Variants in SETD9 observed in about 807,000 individuals in gnomAD.
SETD9 encodes the protein SET domain-containing protein 9.
Under a neutral mutation model 36.4 loss-of-function variants are expected in SETD9, and 37 were observed. The observed-to-expected ratio is 1.02, with a 90% CI of 0.78 to 1.34. The LOEUF (loss-of-function observed/expected upper bound fraction) is 1.34, where lower values mean the gene tolerates loss of function less well. SETD9 is among the 40% of genes most tolerant of loss of function. The pLI is 0.00. For missense variants in SETD9, 323 were observed against 353.2 expected, an observed-to-expected ratio of 0.91 and a Z score of 0.69; for synonymous variants, 128 against 132.9, an observed-to-expected ratio of 0.96 and a Z score of 0.26.
intron 5 of SETD9, chr5:56,922,607 G>A (rs749622190): frequency 6.5e-6 from 1 of 154,370 alleles, no homozygotes; most frequent in Non-Finnish European, 1.4e-5. Flanking sequence ...ACCTACCCCT[G>A]CTTTTATTAA....
At chr5:56,909,959 T>G (rs914560129) in intron 1 of SETD9, 3 of 1,183,612 alleles carry the variant, frequency 2.5e-6, no homozygotes, top group Non-Finnish European at 3.4e-6. Context: ...GGGGCCGAGG[T>G]TGGTGGAGTC....
In SETD9 at chr5:56,911,421, C is replaced by G. The variant is rs762528528; in HGVS notation, c.351C>G (p.Tyr117Ter). Residue 117 changes from tyrosine to a stop codon, truncating the protein, a stop_gained, in exon 2 of 6, where the codon TAC becomes TAG. Transcript: ENST00000285947. LOFTEE classifies it high-confidence loss of function. ...QSTFKPEEIL[Y>*]KTLGFSVAQA... The stretch of plus-strand genomic sequence containing the variant: ...CCTTTAAACCAGAAGAAATTCTTTA[C>G]AAGACTTTGGGTTTCAGTGTTGCCC... 5 of 1,613,668 alleles carry G rather than the reference C, an allele frequency of 3.1e-6. No individual in the cohort carries two copies. Among genetic ancestry groups the G allele is most frequent in the Non-Finnish European group, 4.2e-6 (5 of 1,179,876 alleles).
chr5:56,928,536 G>C (rs1477236923), downstream of SETD9: 2 of 327,532 alleles, frequency 6.1e-6, no homozygotes, highest in Admixed American at 9.7e-5. Context: ...AATACAGTGA[G>C]TCCACTTTCT....
In SETD9 at chr5:56,913,185, A is replaced by G. The variant is rs780304207; in HGVS notation, c.590+51A>G. 1.9e-6 allele frequency: 3 copies of G among 1,583,568 alleles called. No homozygotes were observed. The South Asian group carries it at 3.4e-5, about 18-fold the overall frequency. On this transcript the variant is annotated intron_variant, in intron 3 of 5. Transcript: ENST00000285947. ...AATTATAGGAGACAGAACCGCACTTACCACAATGATTATGACTAATAGCAT... is the reference window on the plus strand; with the variant it reads ...AATTATAGGAGACAGAACCGCACTTGCCACAATGATTATGACTAATAGCAT...
chr5:56,919,279 C>T (rs1749553716), downstream of SETD9, among the ~76,000 whole-genome samples: 1 of 152,056 alleles, frequency 6.6e-6, no homozygotes, highest in African/African-American at 2.4e-5. Flanking sequence ...GCATGCGCCA[C>T]CTCGCTCGGC....
At chr5:56,918,095 C>T (rs1196650523), downstream of SETD9, among the ~76,000 whole-genome samples, 6 of 151,764 alleles carry the variant, frequency 4.0e-5, no homozygotes, top group African/African-American at 1.5e-4. Context: ...TGACATACGT[C>T]TGCTCAAAAC....
chr5:56,923,640 G>T, intron 5 of SETD9: 1 of 1,613,292 alleles, frequency 6.2e-7, no homozygotes, highest in South Asian at 1.1e-5. Flanking sequence ...TCAAACAGAG[G>T]ACACAATTTT....
chr5:56,917,252 G>C lies in SETD9; in HGVS notation c.*350G>C. 1.9e-6 allele frequency: 2 copies of C among 1,037,766 alleles called. No individual in the cohort carries two copies. Among genetic ancestry groups the C allele is most frequent in the Non-Finnish European group, 2.3e-6 (2 of 864,936 alleles). The allele number at this position is 1,037,766 out of a possible 1,614,324, so 64.3% of individuals were successfully genotyped here. A position where few individuals can be genotyped will look rare whatever the true frequency, so the allele number is the denominator to read the frequency against. ...TTTATAAAATTGTAGCCAGGCATCA[G>C]CAGTTCTTGTAGTACTGCTGATGTG... On this transcript the variant is annotated 3_prime_UTR_variant, in exon 6 of 6. Coordinates refer to ENST00000285947, the MANE Select transcript of SETD9 (RefSeq NM_153706.4).
downstream of SETD9, among the ~76,000 whole-genome samples, chr5:56,926,043 T>TA (rs201015212): frequency 4.7e-3 from 705 of 150,356 alleles, 1 homozygote; most frequent in Middle Eastern, 0.031. Flanking sequence ...GACATCCACA[T>TA]AAAAAAAAAG....
At chr5:56,921,616 T>C (rs1749677499), downstream of SETD9, 1 of 152,618 alleles carries the variant, frequency 6.6e-6, no homozygotes, top group Non-Finnish European at 1.5e-5. Context: ...GTTTGTATAA[T>C]AAATACCCTC....
downstream of SETD9, among the ~76,000 whole-genome samples, chr5:56,919,006 A>ATATT (rs556685354): frequency 2.6e-5 from 4 of 152,142 alleles, no homozygotes; most frequent in Non-Finnish European, 5.9e-5. Flanking sequence ...AATAATAATA[A>ATATT]TATTTGACCA....
chr5:56,925,253 A>G (rs1749907425), intron 5 of SETD9: 2 of 429,760 alleles, frequency 4.7e-6, no homozygotes, highest in Admixed American at 5.4e-5. Context: ...TGGAAGGTCT[A>G]GCTAATGCAG....
Position 56,910,504 on chromosome 5 carries a change from CAA to C in SETD9, c.99-663_99-662del, listed in dbSNP as rs1344280606. 10 of 967,416 alleles carry C rather than the reference CAA, an allele frequency of 1.0e-5. No individual in the cohort carries two copies. In the African/African-American group the frequency reaches 1.7e-4, roughly 17 times the overall value. The allele number at this position is 967,416 out of a possible 1,614,324, so 59.9% of individuals were successfully genotyped here. On this transcript the variant is annotated intron_variant, in intron 1 of 5. Transcript: ENST00000285947. ...AGTCAGTGTCCGACAAATAGGGAAACAAAGCGGTTTCCGGAAGGTTGCATGCT... is the reference window on the plus strand; with the variant it reads ...AGTCAGTGTCCGACAAATAGGGAAACAGCGGTTTCCGGAAGGTTGCATGCT...
downstream of SETD9, among the ~76,000 whole-genome samples, chr5:56,919,384 A>T (rs1378536476): frequency 6.6e-6 from 1 of 152,120 alleles, no homozygotes; most frequent in Non-Finnish European, 1.5e-5. Flanking sequence ...TCGGCCTCTC[A>T]AAGTGTTGGG....
exon 6 of SETD9, chr5:56,925,399 C>T (rs903341657): frequency 1.8e-5 from 8 of 444,422 alleles, no homozygotes; most frequent in Admixed American, 1.0e-4. Flanking sequence ...CTAATAAGCA[C>T]TTACAGCAAA....
intron 1 of SETD9, chr5:56,909,974 G>A (rs1049718488): frequency 7.8e-7 from 1 of 1,274,686 alleles, no homozygotes; most frequent in Non-Finnish European, 1.0e-6. Context: ...GGAGTCCGAG[G>A]CCCGCTGGAA....
At chr5:56,909,564 CCTCTCCTCCCGGGCCGGGG>C, upstream of SETD9, 1 of 1,140,528 alleles carries the variant, frequency 8.8e-7, no homozygotes. Flanking sequence ...AGCGCGGCCC[CCTCTCCTCCCGGGCCGGGG>C]CGGGCCCGAG....
At position 56,916,871 on chromosome 5, in the gene SETD9, T is replaced by G; in HGVS notation, c.869T>G (p.Leu290Arg). The G allele has an allele frequency of 1.9e-6, 3 of 1,608,034 alleles. No homozygotes were observed. Among genetic ancestry groups the G allele is most frequent in the Non-Finnish European group, 2.5e-6 (3 of 1,177,852 alleles). Residue 290 changes from leucine to arginine, a missense_variant, in exon 6 of 6, where the codon CTT (leucine) becomes CGT (arginine). Physicochemically the swap from Leu to Arg is moderately radical, Grantham distance 102. Coordinates refer to ENST00000285947, the MANE Select transcript of SETD9 (RefSeq NM_153706.4). Reference protein sequence around the residue: ...ALRDINQGEELFSNYYTIVS With the variant: ...ALRDINQGEERFSNYYTIVS ...AGGGACATCAATCAAGGAGAAGAGCTTTTTTCAAACTACTACACAATTGTC... is the reference window on the plus strand; with the variant it reads ...AGGGACATCAATCAAGGAGAAGAGCGTTTTTCAAACTACTACACAATTGTC...
chr5:56,924,191 G>C, intron 5 of SETD9: 2 of 764,696 alleles, frequency 2.6e-6, no homozygotes, highest in East Asian at 2.9e-5. Flanking sequence ...ATAAAGTTCT[G>C]AACACTTTGA....
Sources: gnomAD v4.1 joint callset for allele counts (sites outside exome capture counted in the v4.1 genomes callset) on GRCh38, gnomAD v4.1.1 for gene constraint, MANE v1.5 for transcripts, NCBI Gene and HGNC (gene_info 2026-07-23, HGNC 2026-07-21) for gene names.